Variants in BDP1 observed in about 807,000 individuals in gnomAD.
BDP1 encodes BDP1 general transcription factor IIIB subunit, also known as transcription factor TFIIIB component B'' homolog.
BDP1 carries 169 observed loss-of-function variants against 266.6 expected under a neutral mutation model. The ratio of observed to expected loss-of-function variants is 0.63; its 90% CI spans 0.56 to 0.72. The LOEUF (loss-of-function observed/expected upper bound fraction) is 0.72. BDP1 is among the 30% of genes least tolerant of loss of function. The probability of loss-of-function intolerance (pLI) is 0.00; values close to 1 mark genes in which losing one functional copy is unlikely to be tolerated. For missense variants in BDP1, 3,015 were observed against 3,053.8 expected (o/e 0.99, Z 0.30); for synonymous variants, 1,090 against 1,022.4 (o/e 1.07, Z -1.26).
intron 6 of BDP1, among the ~76,000 whole-genome samples, chr5:71,469,396 C>T (rs1579992934): frequency 6.6e-6 from 1 of 152,174 alleles, no homozygotes; most frequent in Middle Eastern, 3.4e-3. Context: ...GCCTCGGCCT[C>T]CCAAAGTGCT....
In BDP1 at chr5:71,483,888, A is replaced by G. The variant is rs1369740425; in HGVS notation, c.1061A>G (p.Lys354Arg). 6.2e-7 allele frequency: 1 copy of G among 1,610,178 alleles called. No homozygotes were observed. Among genetic ancestry groups the G allele is most frequent in the Non-Finnish European group, 8.5e-7 (1 of 1,176,990 alleles). The change falls in exon 8 of 39, where the codon AAA becomes AGA. Residue 354 changes from lysine to arginine, a missense_variant. Physicochemically the swap from Lys to Arg is conservative, Grantham distance 26 (BLOSUM62 2). Coordinates refer to ENST00000358731, the MANE Select transcript of BDP1 (RefSeq NM_018429.3). ...AAAACAAATGGATGGAGAATAGACA[A>G]AGCATTCCGTAAGTATTAAGACCTC... ...EEKTNGWRID[K>R]AFQEKRPFDF...
rs750824652 is a variant in BDP1 at position 71,512,412 on chromosome 5, T to G, written c.4231T>G (p.Ser1411Ala). ...IQSPDVPEQF[S>A]DINLSKSLPQ... ...ATCTCCAGATGTTCCAGAGCAGTTT[T>G]CAGATATTAATTTAAGGTACAAGTG... The change falls in exon 18 of 39, where the codon TCA becomes GCA. Residue 1411 changes from serine (S) to alanine (A), a missense_variant. Coordinates refer to ENST00000358731, the MANE Select transcript of BDP1 (RefSeq NM_018429.3). 9.0e-6 allele frequency: 14 copies of G among 1,548,986 alleles called. No homozygotes were observed. Among genetic ancestry groups the G allele is most frequent in the Non-Finnish European group, 1.1e-5 (13 of 1,156,354 alleles).
chr5:71,522,588 T>A lies in BDP1; in HGVS notation c.5193+98T>A. On this transcript the variant is annotated intron_variant, in intron 23 of 38. Transcript: ENST00000358731. ...ATGAGTAAAATACAGTTTTGACTTCTGTACTGTAACCATTTTCATGAAAAG... is the reference window on the plus strand; with the variant it reads ...ATGAGTAAAATACAGTTTTGACTTCAGTACTGTAACCATTTTCATGAAAAG... 3 of 1,211,070 alleles carry A rather than the reference T, an allele frequency of 2.5e-6. No individual in the cohort carries two copies. In the South Asian group the frequency reaches 4.5e-5, roughly 18 times the overall value. The allele number at this position is 1,211,070 out of a possible 1,614,324, so 75.0% of individuals were successfully genotyped here. A position where few individuals can be genotyped will look rare whatever the true frequency, so the allele number is the denominator to read the frequency against.
chr5:71,502,347 G>A (rs1764303301), intron 14 of BDP1, among the ~76,000 whole-genome samples: 1 of 151,802 alleles, frequency 6.6e-6, no homozygotes. Flanking sequence ...GCTAATTTTT[G>A]TATTTTTAGT....
intron 16 of BDP1, among the ~76,000 whole-genome samples, chr5:71,508,658 G>A (rs1463634055): frequency 6.6e-6 from 1 of 152,104 alleles, no homozygotes; most frequent in Non-Finnish European, 1.5e-5. Context: ...ATACAATCTA[G>A]TGTTTCATTT....
chr5:71,476,982 G>A (rs1049755499), intron 7 of BDP1, among the ~76,000 whole-genome samples: 3 of 151,750 alleles, frequency 2.0e-5, no homozygotes, highest in African/African-American at 7.3e-5. Context: ...GGAATTACAG[G>A]CGTGAGCCAT....
intron 19 of BDP1, among the ~76,000 whole-genome samples, chr5:71,514,282 A>G (rs938161771): frequency 2.0e-5 from 3 of 152,138 alleles, no homozygotes; most frequent in African/African-American, 4.8e-5. Flanking sequence ...GTGCATCAAC[A>G]TTTGTACTAT....
In BDP1 at chr5:71,562,351, T is replaced by C; in HGVS notation, c.7574T>C (p.Val2525Ala). The change falls in exon 38 of 39, where the codon GTC becomes GCC. Residue 2525 changes from valine to alanine, a missense_variant. By Grantham distance (64) the Val-to-Ala change is moderately conservative. Around this residue, in one of 3 missense-constraint regions of BDP1, gnomAD observed 629 missense variants for 632.5 expected, o/e 0.99. Transcript: ENST00000358731. ...TTGGAGTCTGATGAACCTATGCAAG[T>C]CCATAGTAAGAAACGCCTAAAACCT... ...NSLESDEPMQ[V>A]HSKKRLKPLI... 1 of 1,613,624 alleles carries C rather than the reference T, an allele frequency of 6.2e-7. No individual in the cohort carries two copies. Among genetic ancestry groups the C allele is most frequent in the Non-Finnish European group, 8.5e-7 (1 of 1,179,646 alleles).
chr5:71,549,410 A>G lies in BDP1; in HGVS notation c.6809-10A>G, dbSNP rs1742583755. The G allele has an allele frequency of 6.3e-7, 1 of 1,595,312 alleles. No individual in the cohort carries two copies. Among genetic ancestry groups the G allele is most frequent in the East Asian group, 2.2e-5 (1 of 44,718 alleles). ...GAGCTTTTTTATTACTAACTTTTAAACTTTGATAGTGAATCTAGTTGCTAA... is the reference window on the plus strand; with the variant it reads ...GAGCTTTTTTATTACTAACTTTTAAGCTTTGATAGTGAATCTAGTTGCTAA... On this transcript the variant is annotated splice_polypyrimidine_tract_variant and intron_variant, in intron 33 of 38. Transcript: ENST00000358731.
chr5:71,492,737 A>G (rs963375997), intron 11 of BDP1, among the ~76,000 whole-genome samples: 4 of 152,168 alleles, frequency 2.6e-5, no homozygotes, highest in South Asian at 2.1e-4. Flanking sequence ...TTTTAGTTCA[A>G]TGTAGTCCCA....
Position 71,562,325 on chromosome 5 carries a change from T to A in BDP1, c.7548T>A (p.Ser2516Arg). 1 of 1,613,080 alleles carries A rather than the reference T, an allele frequency of 6.2e-7. No individual in the cohort carries two copies. The highest frequency in any genetic ancestry group is 8.5e-7 in the Non-Finnish European group (1 of 1,179,504). ...TATCTTTAATATGCTCAAAGAATAG[T>A]TTGGAGTCTGATGAACCTATGCAAG... Reference protein sequence around the residue: ...GFLSLICSKNSLESDEPMQVH... With the variant: ...GFLSLICSKNRLESDEPMQVH... The change falls in exon 38 of 39, where the codon AGT becomes AGA. Residue 2516 changes from serine to arginine, a missense_variant. By Grantham distance (110) the Ser-to-Arg change is moderately radical (BLOSUM62 -1). This residue lies in a region of BDP1 where 629 missense variants were observed against 632.5 expected (regional missense o/e 0.99). Transcript: ENST00000358731.
chr5:71,458,699 T>A lies in BDP1; in HGVS notation c.333T>A (p.Val111=), dbSNP rs770704330. ...GCCTGGTTAAGTCTAGTGTCAGTGT[T>A]CCTTCAGAATCTCATCCCTTATCTA... ...TSSLVKSSVS[V]PSESHPLSTI... The change falls in exon 2 of 39, where the codon GTT becomes GTA. Residue 111 remains valine (V), a synonymous_variant. Coordinates refer to ENST00000358731, the MANE Select transcript of BDP1 (RefSeq NM_018429.3). 2.5e-6 allele frequency: 4 copies of A among 1,614,068 alleles called. No individual in the cohort carries two copies. In the African/African-American group the frequency reaches 5.3e-5, roughly 22 times the overall value.
intron 13 of BDP1, among the ~76,000 whole-genome samples, chr5:71,501,039 G>C (rs555075677): frequency 1.3e-5 from 2 of 151,244 alleles, no homozygotes; most frequent in Non-Finnish European, 2.9e-5. Flanking sequence ...CAAGGCTGCA[G>C]TGAGCTATGA....
At position 71,516,286 on chromosome 5, in the gene BDP1, T is replaced by G; in HGVS notation, c.4860+15T>G. On this transcript the variant is annotated intron_variant, in intron 21 of 38. Coordinates refer to ENST00000358731, the MANE Select transcript of BDP1 (RefSeq NM_018429.3). ...TCTTAACTGTGGTGAGTTATTGTTA[T>G]GTAATTAAATTTAGCCTTTTAATGC... The G allele has an allele frequency of 6.3e-7, 1 of 1,594,178 alleles. No individual in the cohort carries two copies. Among genetic ancestry groups the G allele is most frequent in the South Asian group, 1.1e-5 (1 of 88,792 alleles).
At position 71,501,673 on chromosome 5, in the gene BDP1, TAAAAAAAAA is replaced by T; in HGVS notation, c.2048+32_2048+40del. On this transcript the variant is annotated intron_variant, in intron 14 of 38. Coordinates refer to ENST00000358731, the MANE Select transcript of BDP1 (RefSeq NM_018429.3). ...ATCTGTGTGAGTATTCAGGAAGTAG[TAAAAAAAAA>T]AAAAAAAAAAAGTAACTCTTAGGAA... The T allele has an allele frequency of 3.7e-6, 2 of 544,678 alleles. No individual in the cohort carries two copies. Among genetic ancestry groups the T allele is most frequent in the Non-Finnish European group, 3.0e-6 (1 of 335,092 alleles). 33.7% of individuals were successfully genotyped at this position (544,678 alleles called of 1,614,324 possible). A position where few individuals can be genotyped will look rare whatever the true frequency, so the allele number is the denominator to read the frequency against.
intron 37 of BDP1, among the ~76,000 whole-genome samples, chr5:71,560,869 T>C (rs1358344514): frequency 6.6e-6 from 1 of 152,178 alleles, no homozygotes; most frequent in East Asian, 1.9e-4. Context: ...AAAAGACATA[T>C]TTAATAGATC....
At chr5:71,573,843 G>A in the BDP1 span, among the ~76,000 whole-genome samples, 1 of 152,192 alleles carries the variant, frequency 6.6e-6, no homozygotes, top group East Asian at 1.9e-4. Flanking sequence ...CCTGAAGAGG[G>A]AGTCCCAGTA....
rs534423026 is a variant in BDP1, at chr5:71,545,773, G to A, written c.6744+554G>A. Among the ~76,000 whole-genome samples the A allele has an allele frequency of 3.1e-4, 47 of 152,190 alleles. 1 individual carries two copies. The South Asian group carries it at 9.3e-3, about 30-fold the overall frequency. On this transcript the variant is annotated intron_variant, in intron 32 of 38. Transcript: ENST00000358731. ...AACATGTATACATTATCCAGTTAAA[G>A]GGAGAGGAACGTGTGTGTAAAGAAC... is the stretch of plus-strand genomic sequence containing the variant.
rs375850328 is a variant in BDP1 at position 71,544,904 on chromosome 5, A to AAAAAAAAAG, written c.6564-133_6564-132insAAAAAAGAA. The AAAAAAAAAG allele has an allele frequency of 2.1e-4, 93 of 442,786 alleles. 3 individuals are homozygous for AAAAAAAAAG. Among genetic ancestry groups the AAAAAAAAAG allele is most frequent in the South Asian group, 4.3e-4 (18 of 41,694 alleles). The allele number at this position is 442,786 out of a possible 1,614,324, so 27.4% of individuals were successfully genotyped here. A position where few individuals can be genotyped will look rare whatever the true frequency, so the allele number is the denominator to read the frequency against. On this transcript the variant is annotated intron_variant, in intron 31 of 38. Transcript: ENST00000358731. Reference sequence around the variant, plus strand: ...CAAAAAAAAAAAAAAAAAAAAAAAAAAAGTCCTATTGCATTAAATATGTTT... The same window carrying AAAAAAAAAG: ...CAAAAAAAAAAAAAAAAAAAAAAAAAAAAAAAAAGAAGTCCTATTGCATTAAATATGTTT...
Sources: allele counts gnomAD v4.1 joint callset (sites outside exome capture counted in the v4.1 genomes callset), GRCh38; gene constraint gnomAD v4.1.1; regional missense constraint gnomAD v4.1.1; transcripts MANE v1.5; gene names NCBI Gene and HGNC (gene_info 2026-07-23, HGNC 2026-07-21).